Variants in TECRL observed in about 807,000 individuals in gnomAD.
The protein encoded by TECRL is trans-2,3-enoyl-CoA reductase-like.
Under a neutral mutation model 52.8 loss-of-function variants are expected in TECRL, and 63 were observed. The observed-to-expected ratio is 1.19, with a 90% CI of 0.97 to 1.47. The LOEUF (loss-of-function observed/expected upper bound fraction) is 1.47, where lower values mean the gene tolerates loss of function less well. Among genes scored for constraint, TECRL ranks in the 40% most tolerant of loss-of-function variants. The probability of loss-of-function intolerance (pLI) is 0.00; values close to 1 mark genes in which losing one functional copy is unlikely to be tolerated. For synonymous variants in TECRL, 164 were observed against 141.9 expected (o/e 1.16, Z -1.10); for missense variants, 482 against 429.6 (o/e 1.12, Z -1.08).
intron 2 of TECRL, among the ~76,000 whole-genome samples, chr4:64,343,078 C>T (rs1019380447): frequency 7.0e-6 from 1 of 143,664 alleles, no homozygotes; most frequent in Admixed American, 7.0e-5. Context: ...ATATAGTTCG[C>T]CTTCTTTAAA....
intron 1 of TECRL, among the ~76,000 whole-genome samples, chr4:64,403,475 G>GCGCACACACACACACACACACACACA (rs59253067): frequency 6.7e-6 from 1 of 148,238 alleles, no homozygotes; most frequent in Non-Finnish European, 1.5e-5. Flanking sequence ...CTCCCTGAGC[G>GCGCACACACACACACACACACACACA]CACACACACA....
intron 2 of TECRL, among the ~76,000 whole-genome samples, chr4:64,337,642 C>T (rs180984634): frequency 1.9e-4 from 29 of 152,126 alleles, no homozygotes; most frequent in Admixed American, 1.4e-3. Context: ...AACAGACAAA[C>T]GGAGAGCCAA....
intron 2 of TECRL, among the ~76,000 whole-genome samples, chr4:64,354,981 T>A (rs1720663587): frequency 2.0e-5 from 3 of 152,014 alleles, no homozygotes; most frequent in African/African-American, 7.2e-5. Flanking sequence ...GATAAGTGAG[T>A]AAGTAAAGTA....
At chr4:64,319,067 T>C (rs534075714) in intron 4 of TECRL, among the ~76,000 whole-genome samples, 24 of 151,976 alleles carry the variant, frequency 1.6e-4, no homozygotes, top group Middle Eastern at 3.4e-3. Flanking sequence ...TAAAATCAAA[T>C]GTAAAAATGT....
rs190769930 is a variant in TECRL, at chr4:64,360,814, C to T, written c.286+14358G>A. The stretch of plus-strand genomic sequence containing the variant: ...TCACTATGGAGTTCTGGAATCCCAG[C>T]GGTGAGAGACTGTATACTGTCCATG... On this transcript the variant is annotated intron_variant, in intron 2 of 11. Coordinates refer to ENST00000381210, the MANE Select transcript of TECRL (RefSeq NM_001010874.5). Among the ~76,000 whole-genome samples the T allele has an allele frequency of 2.1e-4, 32 of 152,186 alleles. 1 individual carries two copies. In the South Asian group the frequency reaches 2.3e-3, roughly 11 times the overall value.
At chr4:64,375,410 TA>T (rs970711621) in intron 1 of TECRL, among the ~76,000 whole-genome samples, 187 bp from the exon 2 acceptor site, 4 of 151,960 alleles carry the variant, frequency 2.6e-5, no homozygotes, top group Non-Finnish European at 5.9e-5. Flanking sequence ...TATAATTTTT[TA>T]AAAAAATTTG....
chr4:64,305,658 C>T (rs1441546880), intron 6 of TECRL, among the ~76,000 whole-genome samples: 4 of 152,164 alleles, frequency 2.6e-5, no homozygotes, highest in Non-Finnish European at 4.4e-5. Context: ...CTAAAACAAT[C>T]CTGACCACAT....
At chr4:64,329,151 C>G (rs1718458648) in intron 2 of TECRL, among the ~76,000 whole-genome samples, 1 of 151,840 alleles carries the variant, frequency 6.6e-6, no homozygotes, top group Non-Finnish European at 1.5e-5. Context: ...ATCAAATCAT[C>G]TTTATTATAC....
At chr4:64,316,858 G>A (rs1042357750) in intron 4 of TECRL, among the ~76,000 whole-genome samples, 1 of 152,076 alleles carries the variant, frequency 6.6e-6, no homozygotes, top group African/African-American at 2.4e-5. Context: ...CTTTCAAAAA[G>A]TTAACTGTAT....
intron 1 of TECRL, among the ~76,000 whole-genome samples, chr4:64,391,490 C>T (rs1327751366): frequency 2.0e-5 from 3 of 151,776 alleles, no homozygotes; most frequent in Admixed American, 6.6e-5. Flanking sequence ...CTGTGTCTAC[C>T]CCATTAATAA....
At chr4:64,276,830 A>C (rs1466751226), downstream of TECRL, 2 of 359,400 alleles carry the variant, frequency 5.6e-6, no homozygotes, top group Non-Finnish European at 5.0e-6. Context: ...GTATCATTAA[A>C]GTTTGTAAGT....
intron 8 of TECRL, among the ~76,000 whole-genome samples, chr4:64,297,228 A>G (rs1224661878): frequency 6.6e-6 from 1 of 151,476 alleles, no homozygotes; most frequent in African/African-American, 2.4e-5. Context: ...TTAACAGTCT[A>G]CAAAATAGAT....
At chr4:64,347,905 T>G (rs1720102194) in intron 2 of TECRL, among the ~76,000 whole-genome samples, 1 of 152,282 alleles carries the variant, frequency 6.6e-6, no homozygotes, top group African/African-American at 2.4e-5. Flanking sequence ...CCAACAGTCC[T>G]CTGGCATTTT....
intron 1 of TECRL, among the ~76,000 whole-genome samples, chr4:64,383,552 A>G (rs1055355189): frequency 9.9e-5 from 15 of 151,706 alleles, no homozygotes; most frequent in African/African-American, 3.6e-4. Flanking sequence ...GAAGCTCTCC[A>G]TTGTATTTTT....
chr4:64,355,659 G>T (rs898541149), intron 2 of TECRL, among the ~76,000 whole-genome samples: 3 of 151,562 alleles, frequency 2.0e-5, no homozygotes, highest in South Asian at 2.1e-4. Flanking sequence ...AAAATTAGCC[G>T]GGCATGGTGT....
intron 1 of TECRL, among the ~76,000 whole-genome samples, chr4:64,402,596 T>C (rs1310886728): frequency 2.0e-5 from 3 of 152,070 alleles, no homozygotes; most frequent in African/African-American, 7.2e-5. Flanking sequence ...ACTATACAGA[T>C]TGTGACGGAA....
chr4:64,405,350 A>C (rs1724636212), intron 1 of TECRL, among the ~76,000 whole-genome samples: 1 of 152,136 alleles, frequency 6.6e-6, no homozygotes, highest in Non-Finnish European at 1.5e-5. Context: ...GAGTGCTAGA[A>C]GTAGAAGGGT....
chr4:64,377,317 A>C (rs1417797848), intron 1 of TECRL, among the ~76,000 whole-genome samples: 1 of 152,032 alleles, frequency 6.6e-6, no homozygotes, highest in Non-Finnish European at 1.5e-5. Context: ...TGCTCTTTTC[A>C]GTCCTTTAGT....
rs751831235 is a variant in TECRL, at chr4:64,286,608, C to T, written c.832+3102G>A. Among the ~76,000 whole-genome samples, 5 of 151,092 alleles carry T rather than the reference C, an allele frequency of 3.3e-5. No individual in the cohort carries two copies. The South Asian group carries it at 1.0e-3, about 32-fold the overall frequency. ...GGGGAAATTGGTTGGGAATCATCAACCCTTAGACACTCCCTCAAAATTCAT... is the reference window on the plus strand; with the variant it reads ...GGGGAAATTGGTTGGGAATCATCAATCCTTAGACACTCCCTCAAAATTCAT... On this transcript the variant is annotated intron_variant, in intron 9 of 11. Transcript: ENST00000381210.
Sources: gnomAD v4.1 joint callset for allele counts (sites outside exome capture counted in the v4.1 genomes callset) on GRCh38, gnomAD v4.1.1 for gene constraint, MANE v1.5 for transcripts, NCBI Gene and HGNC (gene_info 2026-07-23, HGNC 2026-07-21) for gene names.